The following TRAP1 variants were observed in gnomAD, a reference collection of about 807,000 sequenced individuals.
TRAP1 encodes TNF receptor associated protein 1.
A neutral mutation model predicts 89.1 loss-of-function variants in TRAP1; 102 were observed. That is an observed-to-expected ratio of 1.15 (90% confidence interval 0.98 to 1.35). The LOEUF is 1.35. TRAP1 is among the 40% of genes most tolerant of loss of function. TRAP1 has a pLI of 0.00. For synonymous variants in TRAP1, 508 were observed against 388.0 expected (o/e 1.31, Z -3.64); for missense variants, 1,256 against 945.3 (o/e 1.33, Z -4.31).
At chr16:3,708,657 T>A (rs570483654) in intron 1 of TRAP1, among the ~76,000 whole-genome samples, 132 of 147,254 alleles carry the variant, frequency 9.0e-4, no homozygotes, top group African/African-American at 2.9e-3. Flanking sequence ...AATAAATAAA[T>A]AAAAATAAAT....
intron 1 of TRAP1, among the ~76,000 whole-genome samples, chr16:3,710,879 A>ATATATATATATTTTTT (rs71133652): frequency 4.0e-5 from 5 of 125,834 alleles, no homozygotes; most frequent in East Asian, 2.4e-4. Flanking sequence ...ATATATATAT[A>ATATATATATATTTTTT]TTTTTTTTTT....
chr16:3,675,567 C>A (rs960366628), intron 7 of TRAP1, among the ~76,000 whole-genome samples, 170 bp from the exon 8 acceptor site: 1 of 152,204 alleles, frequency 6.6e-6, no homozygotes, highest in Non-Finnish European at 1.5e-5. Flanking sequence ...TCCCCCCAGT[C>A]TCACGGGGGC....
Position 3,658,053 on chromosome 16 carries a change from C to G in TRAP1, c.*76G>C. On this transcript the variant is annotated 3_prime_UTR_variant, in exon 18 of 18. Coordinates refer to ENST00000246957, the MANE Select transcript of TRAP1 (RefSeq NM_016292.3). ...AACACACACTCGGGTTAAGAAATAC[C>G]TTTAAATTTAGGTAAATAAAGCTCA... 6.2e-7 allele frequency: 1 copy of G among 1,607,810 alleles called. No individual in the cohort carries two copies. The highest frequency in any genetic ancestry group is 1.1e-5 in the South Asian group (1 of 90,550).
chr16:3,697,108 T>C (rs2051298245), intron 1 of TRAP1, among the ~76,000 whole-genome samples: 1 of 152,304 alleles, frequency 6.6e-6, no homozygotes, highest in South Asian at 2.1e-4. Flanking sequence ...CCCACAGCAA[T>C]GTACTAAAGT....
chr16:3,680,348 G>A (rs953562400), intron 4 of TRAP1, among the ~76,000 whole-genome samples: 4 of 152,160 alleles, frequency 2.6e-5, no homozygotes, highest in South Asian at 2.1e-4. Flanking sequence ...AAACCATTCC[G>A]AAAAGAAAAT....
At chr16:3,662,238 G>A in intron 15 of TRAP1, 106 bp from the exon 16 acceptor site, 2 of 1,394,592 alleles carry the variant, frequency 1.4e-6, no homozygotes, top group Non-Finnish European at 1.9e-6. Context: ...GTAGCAGGCG[G>A]GGTCTCAAGG....
intron 4 of TRAP1, among the ~76,000 whole-genome samples, chr16:3,684,463 T>C (rs554251662): frequency 6.6e-6 from 1 of 152,260 alleles, no homozygotes; most frequent in East Asian, 1.9e-4. Context: ...TCTAAAACTT[T>C]AGGTAAGAAT....
chr16:3,685,988 G>A lies in TRAP1; in HGVS notation c.471+8C>T, dbSNP rs938324687. ...GCCTGCCACACGCCTGGACACTGAG[G>A]GAGGTACCTGGATGGTGATGGTGCC... On this transcript the variant is annotated splice_region_variant and intron_variant, in intron 4 of 17. Coordinates refer to ENST00000246957, the MANE Select transcript of TRAP1 (RefSeq NM_016292.3). The A allele has an allele frequency of 6.2e-7, 1 of 1,613,478 alleles. No homozygotes were observed.
chr16:3,668,648 A>G (rs183328360), intron 11 of TRAP1, among the ~76,000 whole-genome samples: 1 of 152,252 alleles, frequency 6.6e-6, no homozygotes, highest in Admixed American at 6.5e-5. Flanking sequence ...CAGACTGACA[A>G]CGCAACCTTT....
At chr16:3,700,030 T>TCC (rs2051344486) in intron 1 of TRAP1, among the ~76,000 whole-genome samples, 1 of 151,972 alleles carries the variant, frequency 6.6e-6, no homozygotes, top group African/African-American at 2.4e-5. Flanking sequence ...TTTCCCACTG[T>TCC]TAATTTTTTG....
chr16:3,699,470 C>G (rs1245921534), intron 1 of TRAP1, among the ~76,000 whole-genome samples: 1 of 95,794 alleles, frequency 1.0e-5, no homozygotes, highest in East Asian at 3.1e-4. Flanking sequence ...AACCCCATCT[C>G]TACTAAAAAT....
intron 1 of TRAP1, among the ~76,000 whole-genome samples, chr16:3,712,161 C>A (rs2051539721): frequency 6.6e-6 from 1 of 151,520 alleles, no homozygotes; most frequent in African/African-American, 2.4e-5. Context: ...TGGTGGCATG[C>A]ACCTGTAGTC....
rs370347885 is a variant in TRAP1, at chr16:3,674,385, G to A, written c.998C>T (p.Thr333Met). 93 of 1,613,994 alleles carry A rather than the reference G, an allele frequency of 5.8e-5. No individual in the cohort carries two copies. Among genetic ancestry groups the A allele is most frequent in the African/African-American group, 1.5e-4 (11 of 74,932 alleles). The part of the protein sequence containing the change: ...DKPRYTLHYK[T>M]DAPLNIRSIF... ...GCTGCGGATGTTGAGCGGTGCGTCC[G>A]TCTTATAGTGCAGGGTGTAGCGGGG... is the stretch of plus-strand genomic sequence containing the variant. The change falls in exon 9 of 18, where the codon ACG (threonine) becomes ATG (methionine). Residue 333 changes from threonine to methionine, a missense_variant. Transcript: ENST00000246957.
At chr16:3,691,251 T>C in intron 1 of TRAP1, 1 of 278,520 alleles carries the variant, frequency 3.6e-6, no homozygotes, top group Non-Finnish European at 6.7e-6. Flanking sequence ...GCTGCCTTCT[T>C]TTCAGAGGGG....
rs77100876 is a variant in TRAP1 at position 3,664,503 on chromosome 16, G to A, written c.1384-44C>T. 6.8e-4 allele frequency: 1,063 copies of A among 1,557,668 alleles called. 9 individuals are homozygous for A. In the East Asian group the frequency reaches 0.011, roughly 16 times the overall value. ...GTCACCACTTATTCCAGGCCCATGG[G>A]CTCAATGTTGCCCAACTAACTGGGC... is the stretch of plus-strand genomic sequence containing the variant. On this transcript the variant is annotated intron_variant, in intron 12 of 17. Coordinates refer to ENST00000246957, the MANE Select transcript of TRAP1 (RefSeq NM_016292.3).
chr16:3,713,833 G>A (rs1409213897), intron 1 of TRAP1, among the ~76,000 whole-genome samples: 9 of 152,206 alleles, frequency 5.9e-5, no homozygotes, highest in Non-Finnish European at 4.4e-5. Context: ...GAGCTCTGAC[G>A]AAAAGCTCTC....
At chr16:3,668,926 C>T (rs541568665) in intron 11 of TRAP1, among the ~76,000 whole-genome samples, 87 of 152,340 alleles carry the variant, frequency 5.7e-4, no homozygotes, top group South Asian at 2.9e-3. Flanking sequence ...CGCCTCGGCC[C>T]GCAGGGACGC....
At chr16:3,679,856 A>G (rs1311911883) in intron 4 of TRAP1, 66 bp from the exon 5 acceptor site, 1 of 1,517,010 alleles carries the variant, frequency 6.6e-7, no homozygotes, top group Non-Finnish European at 9.1e-7. Flanking sequence ...GTGCACCAGC[A>G]GTCCCAGGGA....
intron 1 of TRAP1, among the ~76,000 whole-genome samples, chr16:3,693,940 C>G (rs928754161): frequency 6.6e-6 from 1 of 151,166 alleles, no homozygotes; most frequent in South Asian, 2.1e-4. Context: ...CTGTAGTGAG[C>G]CAAGATCACA....
Sources: allele counts gnomAD v4.1 joint callset (sites outside exome capture counted in the v4.1 genomes callset), GRCh38; gene constraint gnomAD v4.1.1; transcripts MANE v1.5; gene names NCBI Gene and HGNC (gene_info 2026-07-23, HGNC 2026-07-21).